The following DNM3 variants were observed in gnomAD, a reference collection of about 807,000 sequenced individuals.
DNM3 encodes dynamin 3.
DNM3 carries 47 observed loss-of-function variants against 101.6 expected under a neutral mutation model. The ratio of observed to expected loss-of-function variants is 0.46; its 90% CI spans 0.37 to 0.59. DNM3 has a LOEUF of 0.59. Ranked by LOEUF, DNM3 falls within the 20% of genes least tolerant of loss-of-function variation. The probability of loss-of-function intolerance (pLI) is 0.00; values close to 1 mark genes in which losing one functional copy is unlikely to be tolerated. For missense variants in DNM3, 849 were observed against 1,085.7 expected (o/e 0.78, Z 3.06); for synonymous variants, 385 against 387.9 (o/e 0.99, Z 0.09).
rs187105410 is a variant in DNM3 at position 172,126,445 on chromosome 1, A to T, written c.1546-4730A>T. Among the ~76,000 whole-genome samples, 247 of 152,324 alleles carry T rather than the reference A, an allele frequency of 1.6e-3. 1 individual carries two copies. The highest frequency in any genetic ancestry group is 0.014 in the Admixed American group (218 of 15,298). On this transcript the variant is annotated intron_variant, in intron 13 of 20. Transcript: ENST00000627582. Reference sequence around the variant, plus strand: ...ATATATTCTAATTATTTGTATGTCCATTCTTTGAAAATTTTAACTGTTATT... The same window carrying T: ...ATATATTCTAATTATTTGTATGTCCTTTCTTTGAAAATTTTAACTGTTATT...
At chr1:171,951,732 C>G (rs12064937) in intron 2 of DNM3, among the ~76,000 whole-genome samples, 1 of 152,000 alleles carries the variant, frequency 6.6e-6, no homozygotes, top group South Asian at 2.1e-4. Flanking sequence ...GAGGTGTTGA[C>G]AAAAAACTAA....
intron 14 of DNM3, among the ~76,000 whole-genome samples, chr1:172,183,195 T>C (rs990884218): frequency 1.3e-5 from 2 of 152,088 alleles, no homozygotes; most frequent in Admixed American, 6.6e-5. Context: ...CTCTAGATCA[T>C]GCCTGTTATT....
chr1:172,228,229 T>C (rs1416493395), intron 14 of DNM3, among the ~76,000 whole-genome samples: 3 of 152,018 alleles, frequency 2.0e-5, no homozygotes, highest in Non-Finnish European at 4.4e-5. Flanking sequence ...ACTTCAATCT[T>C]CCCAAATTGT....
At chr1:172,089,123 T>C (rs1257041723) in intron 12 of DNM3, among the ~76,000 whole-genome samples, 1 of 152,240 alleles carries the variant, frequency 6.6e-6, no homozygotes, top group Non-Finnish European at 1.5e-5. Context: ...TATCCCACAT[T>C]TAAAACAGAA....
chr1:172,236,869 T>C (rs2061564057), intron 14 of DNM3, among the ~76,000 whole-genome samples: 1 of 152,136 alleles, frequency 6.6e-6, no homozygotes. Context: ...TTCTTGAGGA[T>C]ATCTGGATGT....
chr1:172,005,116 T>C (rs1352079273), intron 4 of DNM3, among the ~76,000 whole-genome samples: 2 of 152,088 alleles, frequency 1.3e-5, no homozygotes, highest in South Asian at 4.1e-4. Flanking sequence ...GGCTCCACCA[T>C]TTACTAGTTG....
chr1:171,982,158 A>G (rs937991303), intron 2 of DNM3, among the ~76,000 whole-genome samples: 50 of 152,206 alleles, frequency 3.3e-4, no homozygotes, highest in African/African-American at 1.0e-3. Context: ...ACCTTCAGAC[A>G]TGTTAGTTCA....
intron 9 of DNM3, among the ~76,000 whole-genome samples, chr1:172,047,621 G>C (rs757903802): frequency 6.6e-6 from 1 of 152,114 alleles, no homozygotes; most frequent in Non-Finnish European, 1.5e-5. Context: ...TCTGTACCTC[G>C]TTCAGAGAAA....
intron 2 of DNM3, among the ~76,000 whole-genome samples, chr1:171,964,194 G>C (rs182824920): frequency 5.3e-5 from 8 of 152,148 alleles, no homozygotes; most frequent in Non-Finnish European, 1.0e-4. Flanking sequence ...AAAGAATGCT[G>C]TTCCCTTTCC....
chr1:172,317,917 T>G (rs1227431985), intron 16 of DNM3, among the ~76,000 whole-genome samples: 2 of 152,204 alleles, frequency 1.3e-5, no homozygotes, highest in Admixed American at 6.5e-5. Context: ...TATCAAAGCC[T>G]GGCAGAGACA....
chr1:172,291,943 G>A (rs571126677), intron 15 of DNM3, among the ~76,000 whole-genome samples: 1 of 152,282 alleles, frequency 6.6e-6, no homozygotes, highest in African/African-American at 2.4e-5. Context: ...TCAGGATTCA[G>A]ACATCTGAGC....
At position 172,371,769 on chromosome 1, in the gene DNM3, AC is replaced by A. The variant is rs1216212827; in HGVS notation, c.1894-7248del. On this transcript the variant is annotated intron_variant, in intron 17 of 20. Transcript: ENST00000627582. ...AGTTCATACTGTTAATCACTATTCCACATTTCCCTCAAACCAAAGTGGATTG... is the reference window on the plus strand; with the variant it reads ...AGTTCATACTGTTAATCACTATTCCAATTTCCCTCAAACCAAAGTGGATTG... Among the ~76,000 whole-genome samples the A allele has an allele frequency of 5.3e-5, 8 of 151,972 alleles. No individual in the cohort carries two copies. In the South Asian group the frequency reaches 1.4e-3, roughly 28 times the overall value.
chr1:171,864,529 GAACA>G (rs1417010715), intron 1 of DNM3: 1 of 152,242 alleles, frequency 6.6e-6, no homozygotes, highest in African/African-American at 2.4e-5. Flanking sequence ...GTTGTCTATA[GAACA>G]GACAGGACTT....
chr1:172,339,966 G>C (rs2066614737), intron 17 of DNM3, among the ~76,000 whole-genome samples: 1 of 152,118 alleles, frequency 6.6e-6, no homozygotes, highest in Non-Finnish European at 1.5e-5. Flanking sequence ...CTGGACAATA[G>C]GCAAGGAGTC....
At chr1:172,102,474 G>GT (rs774597910) in intron 13 of DNM3, among the ~76,000 whole-genome samples, 4 of 152,034 alleles carry the variant, frequency 2.6e-5, no homozygotes, top group African/African-American at 4.8e-5. Context: ...TGCCACTTAT[G>GT]TTTTTTCCCC....
chr1:171,973,431 G>T (rs558183017), intron 2 of DNM3, among the ~76,000 whole-genome samples: 13 of 152,002 alleles, frequency 8.6e-5, no homozygotes, highest in Non-Finnish European at 1.8e-4. Flanking sequence ...TTTACTATGT[G>T]TTAAATGCCT....
chr1:172,268,900 G>T (rs1020786860), intron 15 of DNM3, among the ~76,000 whole-genome samples: 6 of 152,160 alleles, frequency 3.9e-5, no homozygotes, highest in Admixed American at 3.3e-4. Context: ...GTCATTAAAA[G>T]ATTTTGGAGG....
intron 14 of DNM3, among the ~76,000 whole-genome samples, chr1:172,174,676 A>G (rs530987047): frequency 6.6e-6 from 1 of 151,844 alleles, no homozygotes; most frequent in African/African-American, 2.4e-5. Context: ...CATATGTGTT[A>G]GTAATGATGT....
At chr1:172,167,335 T>C (rs2058786672) in intron 14 of DNM3, among the ~76,000 whole-genome samples, 2 of 152,098 alleles carry the variant, frequency 1.3e-5, no homozygotes, top group Non-Finnish European at 2.9e-5. Flanking sequence ...GACATTTGGG[T>C]TGGTTCCAAG....
Sources: allele counts gnomAD v4.1 joint callset (sites outside exome capture counted in the v4.1 genomes callset), GRCh38; gene constraint gnomAD v4.1.1; transcripts MANE v1.5; gene names NCBI Gene and HGNC (gene_info 2026-07-23, HGNC 2026-07-21).